The following SLC14A2 variants were observed in gnomAD, a reference collection of about 807,000 sequenced individuals.
SLC14A2 encodes urea transporter 2.
SLC14A2 carries 91 observed loss-of-function variants against 104.6 expected under a neutral mutation model. The observed-to-expected ratio is 0.87, with a 90% CI of 0.73 to 1.04. The LOEUF is 1.04. Among genes scored for constraint, SLC14A2 ranks in the 50% least tolerant of loss-of-function variants. SLC14A2 has a pLI of 0.00. For missense variants in SLC14A2, 1,189 were observed against 1,156.0 expected (o/e 1.03, Z -0.41); for synonymous variants, 476 against 466.4 (o/e 1.02, Z -0.27).
At chr18:45,364,351 A>G (rs578077679) in intron 1 of SLC14A2, among the ~76,000 whole-genome samples, 3 of 152,348 alleles carry the variant, frequency 2.0e-5, no homozygotes, top group African/African-American at 7.2e-5. Flanking sequence ...CTCTTAAAAT[A>G]TCTCAAAATG....
At chr18:45,287,926 C>A (rs2084831433) in intron 1 of SLC14A2, among the ~76,000 whole-genome samples, 1 of 152,174 alleles carries the variant, frequency 6.6e-6, no homozygotes, top group Non-Finnish European at 1.5e-5. Flanking sequence ...CTGGACAGTC[C>A]TAATATGCCA....
intron 19 of SLC14A2, among the ~76,000 whole-genome samples, chr18:45,681,699 G>C (rs898610222): frequency 6.6e-6 from 1 of 152,120 alleles, no homozygotes; most frequent in African/African-American, 2.4e-5. Context: ...TACTTCTACT[G>C]CACACATCCC....
At chr18:45,188,624 C>CT in the SLC14A2 span, among the ~76,000 whole-genome samples, 1 of 152,158 alleles carries the variant, frequency 6.6e-6, no homozygotes, top group Non-Finnish European at 1.5e-5. Context: ...GCCTGAATGT[C>CT]TTTTCTTTCA....
chr18:45,244,426 A>C (rs899647394), intron 1 of SLC14A2, among the ~76,000 whole-genome samples: 1 of 152,140 alleles, frequency 6.6e-6, no homozygotes, highest in Non-Finnish European at 1.5e-5. Flanking sequence ...CAGGAGTTTG[A>C]GACCAACCTG....
At chr18:45,586,517 T>C (rs1341264076) in intron 2 of SLC14A2, among the ~76,000 whole-genome samples, 1 of 151,910 alleles carries the variant, frequency 6.6e-6, no homozygotes, top group Non-Finnish European at 1.5e-5. Context: ...CAAAGGATAC[T>C]TCTGGCTGCT....
chr18:45,317,236 G>A (rs144580182), intron 1 of SLC14A2, among the ~76,000 whole-genome samples: 1 of 152,280 alleles, frequency 6.6e-6, no homozygotes, highest in African/African-American at 2.4e-5. Flanking sequence ...CTAATAGATA[G>A]ATCAAGCATA....
intron 2 of SLC14A2, among the ~76,000 whole-genome samples, chr18:45,559,318 A>G (rs1329094218): frequency 6.6e-6 from 1 of 152,226 alleles, no homozygotes; most frequent in African/African-American, 2.4e-5. Context: ...TTGTCATTGA[A>G]GTTGAACCCC....
chr18:45,625,613 C>G, intron 2 of SLC14A2, 70 bp from the exon 3 acceptor site: 1 of 1,325,116 alleles, frequency 7.5e-7, no homozygotes, highest in Non-Finnish European at 1.0e-6. Context: ...CTGCCACCCT[C>G]CTCTATCCCC....
At chr18:45,661,987 C>G (rs2045942800) in intron 10 of SLC14A2, among the ~76,000 whole-genome samples, 1 of 152,188 alleles carries the variant, frequency 6.6e-6, no homozygotes. Context: ...GGGACACGAT[C>G]AGGTGTGTAA....
intron 2 of SLC14A2, among the ~76,000 whole-genome samples, chr18:45,567,923 C>A (rs934019024): frequency 6.6e-6 from 1 of 152,222 alleles, no homozygotes; most frequent in Non-Finnish European, 1.5e-5. Flanking sequence ...ACATCCCTCA[C>A]AACCTGTTCT....
chr18:45,608,392 C>T (rs1397428370), intron 2 of SLC14A2, among the ~76,000 whole-genome samples: 2 of 152,206 alleles, frequency 1.3e-5, no homozygotes, highest in Non-Finnish European at 2.9e-5. Flanking sequence ...AGGCAGTTCT[C>T]ACCATCCCTG....
chr18:45,648,841 CCT>C (rs2045675545), intron 10 of SLC14A2, among the ~76,000 whole-genome samples: 1 of 151,606 alleles, frequency 6.6e-6, no homozygotes, highest in Non-Finnish European at 1.5e-5. Context: ...CATGATACTC[CCT>C]CTTTCTTTCT....
chr18:45,511,634 G>T (rs542153216), intron 2 of SLC14A2, among the ~76,000 whole-genome samples: 3 of 152,188 alleles, frequency 2.0e-5, no homozygotes. Flanking sequence ...CCATAACCAG[G>T]AAAAGCTTGC....
intron 2 of SLC14A2, among the ~76,000 whole-genome samples, chr18:45,556,039 C>T (rs2044128715): frequency 1.3e-5 from 2 of 152,136 alleles, no homozygotes; most frequent in African/African-American, 4.8e-5. Context: ...GCTGGAAGTC[C>T]AAAATCGGGG....
the SLC14A2 span, among the ~76,000 whole-genome samples, chr18:45,205,287 G>C: frequency 6.6e-6 from 1 of 152,154 alleles, no homozygotes; most frequent in South Asian, 2.1e-4. Context: ...AGGTGGTTTA[G>C]GTATAATTTA....
chr18:45,214,916 A>T (rs1296750831), intron 1 of SLC14A2, among the ~76,000 whole-genome samples: 3 of 428 alleles, frequency 7.0e-3, no homozygotes, highest in African/African-American at 0.025. Flanking sequence ...CATGTCTTTA[A>T]AAAAAAAAAA....
rs566278434 is a variant in SLC14A2, at chr18:45,254,775, G to A, written c.-125+41584G>A. On this transcript the variant is annotated intron_variant, in intron 1 of 20. Coordinates refer to the SLC14A2 transcript ENST00000586448. ...CCTCAGGGGCCTGACCTGGGTTTCC[G>A]TTTGCAGCAGCCTGGAGGGGGCCAC... 1.5e-3 allele frequency among the ~76,000 whole-genome samples: 233 copies of A among 152,220 alleles called. 3 individuals carry two copies. The highest frequency in any genetic ancestry group is 5.0e-3 in the South Asian group (24 of 4,820).
At chr18:45,230,037 T>A (rs2084159293) in intron 1 of SLC14A2, among the ~76,000 whole-genome samples, 1 of 152,216 alleles carries the variant, frequency 6.6e-6, no homozygotes, top group Non-Finnish European at 1.5e-5. Flanking sequence ...GTATATTGCT[T>A]ATGATGGGGT....
chr18:45,206,363 A>C, the SLC14A2 span, among the ~76,000 whole-genome samples: 1 of 151,996 alleles, frequency 6.6e-6, no homozygotes, highest in African/African-American at 2.4e-5. Flanking sequence ...AGGGTATTTG[A>C]TTAAAGAAGC....
Sources: allele counts gnomAD v4.1 joint callset (sites outside exome capture counted in the v4.1 genomes callset), GRCh38; gene constraint gnomAD v4.1.1; transcripts MANE v1.5; gene names NCBI Gene and HGNC (gene_info 2026-07-23, HGNC 2026-07-21).